RCAN2: variants seen among roughly 807,000 people sequenced by gnomAD.
The protein encoded by RCAN2 is regulator of calcineurin 2.
A neutral mutation model predicts 23.6 loss-of-function variants in RCAN2; 9 were observed. The ratio of observed to expected loss-of-function variants is 0.38; its 90% CI spans 0.23 to 0.67. The LOEUF is 0.67. Among genes scored for constraint, RCAN2 ranks in the 30% least tolerant of loss-of-function variants. The probability of loss-of-function intolerance (pLI) is 0.51; values close to 1 mark genes in which losing one functional copy is unlikely to be tolerated. For missense variants in RCAN2, 273 were observed against 302.3 expected (o/e 0.90, Z 0.72); for synonymous variants, 109 against 115.7 (o/e 0.94, Z 0.37).
chr6:46,385,781 T>G (rs370594969), intron 2 of RCAN2, among the ~76,000 whole-genome samples: 1 of 140,810 alleles, frequency 7.1e-6, no homozygotes, highest in African/African-American at 2.7e-5. Context: ...CGTTTGAACC[T>G]GGGAGGCAGA....
At chr6:46,231,607 A>T (rs1458731744) in intron 4 of RCAN2, among the ~76,000 whole-genome samples, 1 of 151,994 alleles carries the variant, frequency 6.6e-6, no homozygotes, top group Non-Finnish European at 1.5e-5. Flanking sequence ...ACGGAGTTTC[A>T]CCATGTTGGT....
At chr6:46,335,214 CA>C in intron 2 of RCAN2, among the ~76,000 whole-genome samples, 1 of 152,198 alleles carries the variant, frequency 6.6e-6, no homozygotes, top group South Asian at 2.1e-4. Flanking sequence ...TGAATTAAGT[CA>C]AATTAGAAAC....
chr6:46,236,782 A>G (rs1047044248), intron 4 of RCAN2, among the ~76,000 whole-genome samples: 4 of 152,218 alleles, frequency 2.6e-5, no homozygotes, highest in Non-Finnish European at 5.9e-5. Context: ...TCTTATCAGC[A>G]TTCTATCAGT....
At chr6:46,321,158 C>A (rs541803078) in intron 2 of RCAN2, among the ~76,000 whole-genome samples, 1 of 152,156 alleles carries the variant, frequency 6.6e-6, no homozygotes, top group Non-Finnish European at 1.5e-5. Context: ...GTCACTTCCC[C>A]AGAGATGTTT....
intron 2 of RCAN2, among the ~76,000 whole-genome samples, chr6:46,400,849 C>T (rs1201067375): frequency 6.6e-6 from 1 of 152,152 alleles, no homozygotes; most frequent in Non-Finnish European, 1.5e-5. Flanking sequence ...GGTTGCTATT[C>T]CCTATGGAAG....
intron 2 of RCAN2, among the ~76,000 whole-genome samples, chr6:46,383,333 C>G (rs565246543): frequency 1.3e-5 from 2 of 152,014 alleles, no homozygotes; most frequent in Non-Finnish European, 2.9e-5. Context: ...GGAAGCGTAT[C>G]TGGGAGTCAG....
intron 2 of RCAN2, among the ~76,000 whole-genome samples, chr6:46,273,279 G>T (rs1356979583): frequency 6.6e-6 from 1 of 152,112 alleles, no homozygotes; most frequent in Admixed American, 6.6e-5. Context: ...CTAAAGATGA[G>T]GGCACAGAAT....
intron 2 of RCAN2, among the ~76,000 whole-genome samples, chr6:46,413,482 T>A (rs1361751444): frequency 1.3e-5 from 2 of 152,244 alleles, no homozygotes; most frequent in Non-Finnish European, 2.9e-5. Flanking sequence ...ATTAGCTCAC[T>A]TGGAAGATAT....
At chr6:46,256,547 G>A (rs1012974613) in intron 2 of RCAN2, among the ~76,000 whole-genome samples, 2 of 152,112 alleles carry the variant, frequency 1.3e-5, no homozygotes, top group East Asian at 1.9e-4. Flanking sequence ...GGATGTTAAG[G>A]CTTCTACTTC....
chr6:46,488,819 ATCTCT>A (rs1297365554), intron 1 of RCAN2, among the ~76,000 whole-genome samples: 1 of 151,926 alleles, frequency 6.6e-6, no homozygotes, highest in East Asian at 1.9e-4. Flanking sequence ...CTCTGTATAG[ATCTCT>A]TCTCTTTCCT....
At chr6:46,344,643 C>A (rs893982389) in intron 2 of RCAN2, among the ~76,000 whole-genome samples, 1 of 151,686 alleles carries the variant, frequency 6.6e-6, no homozygotes, top group Non-Finnish European at 1.5e-5. Context: ...TTAAGGCATA[C>A]TATAATATGT....
At chr6:46,291,975 G>A (rs1762575874) in intron 2 of RCAN2, among the ~76,000 whole-genome samples, 1 of 152,196 alleles carries the variant, frequency 6.6e-6, no homozygotes, top group Admixed American at 6.5e-5. Context: ...AGCACAAGTA[G>A]CTCAGCTTTT....
chr6:46,280,921 G>A (rs1280030577), intron 2 of RCAN2, among the ~76,000 whole-genome samples: 1 of 152,136 alleles, frequency 6.6e-6, no homozygotes, highest in Non-Finnish European at 1.5e-5. Flanking sequence ...CTGAGGAACA[G>A]AGATGTCATC....
chr6:46,283,621 ACTTTCT>A (rs1762273211), intron 2 of RCAN2, among the ~76,000 whole-genome samples: 1 of 152,166 alleles, frequency 6.6e-6, no homozygotes, highest in African/African-American at 2.4e-5. Context: ...TGCTCAAGAT[ACTTTCT>A]CTTTGTCCTC....
rs201355064 is a variant in RCAN2 at position 46,223,252 on chromosome 6, G to A, written c.621C>T (p.Val207=). The A allele has an allele frequency of 5.6e-6, 9 of 1,613,724 alleles. No homozygotes were observed. Among genetic ancestry groups the A allele is most frequent in the Non-Finnish European group, 6.8e-6 (8 of 1,179,864 alleles). Residue 207 remains valine, a synonymous_variant, in exon 5 of 5, where the codon GTC becomes GTT. Transcript: ENST00000371374. ...CTATGTCACTGTCGCACACGTGCAC[G>A]ACGACACTTGGGGTGGACTCAGTCC... The part of the protein sequence containing the change: ...HAGTESTPSV[V]VHVCDSDIEE...
At position 46,464,239 on chromosome 6, in the gene RCAN2, T is replaced by A. The variant is rs1308354322; in HGVS notation, c.-2-7261A>T. On this transcript the variant is annotated intron_variant, in intron 1 of 4. Coordinates refer to ENST00000371374, the MANE Select transcript of RCAN2 (RefSeq NM_001251974.2). ...GTTAAATGAGCCAAGTTCAGAATTT[T>A]AAAGAATATGAACCTAAAGTTTTGC... 3.3e-5 allele frequency among the ~76,000 whole-genome samples: 5 copies of A among 152,308 alleles called. No homozygotes were observed. The East Asian group carries it at 9.6e-4, about 29-fold the overall frequency.
chr6:46,369,747 C>A (rs2150388389), intron 2 of RCAN2, among the ~76,000 whole-genome samples: 1 of 152,326 alleles, frequency 6.6e-6, no homozygotes, highest in East Asian at 1.9e-4. Flanking sequence ...TGAAACCCAG[C>A]TCTTAGACGT....
intron 2 of RCAN2, among the ~76,000 whole-genome samples, chr6:46,381,490 T>G (rs1765615946): frequency 6.6e-6 from 1 of 152,228 alleles, no homozygotes; most frequent in South Asian, 2.1e-4. Context: ...TATCGCCTTT[T>G]ACAAGCCCAG....
At chr6:46,361,089 C>A (rs1441054389) in intron 2 of RCAN2, among the ~76,000 whole-genome samples, 2 of 152,188 alleles carry the variant, frequency 1.3e-5, no homozygotes, top group African/African-American at 4.8e-5. Context: ...AAACAAATTT[C>A]TGAACACCTC....
Sources: allele counts gnomAD v4.1 joint callset (sites outside exome capture counted in the v4.1 genomes callset), GRCh38; gene constraint gnomAD v4.1.1; transcripts MANE v1.5; gene names NCBI Gene and HGNC (gene_info 2026-07-23, HGNC 2026-07-21).